SERAC1: variants seen among roughly 807,000 people sequenced by gnomAD.
SERAC1 encodes protein SERAC1.
A neutral mutation model predicts 85.7 loss-of-function variants in SERAC1; 36 were observed. That is an observed-to-expected ratio of 0.42 (90% CI 0.32 to 0.55). The LOEUF (loss-of-function observed/expected upper bound fraction) is 0.55, where lower values mean the gene tolerates loss of function less well. Ranked by LOEUF, SERAC1 falls within the 20% of genes least tolerant of loss-of-function variation. The pLI is 0.11. For synonymous variants in SERAC1, 242 were observed against 265.3 expected, an observed-to-expected ratio of 0.91 and a Z score of 0.85; for missense variants, 629 against 796.2, an observed-to-expected ratio of 0.79 and a Z score of 2.53.
rs899867134 is a variant in SERAC1 at position 158,143,161 on chromosome 6, G to C, written c.633C>G (p.Leu211=). The C allele has an allele frequency of 6.2e-7, 1 of 1,613,644 alleles. No homozygotes were observed. Among genetic ancestry groups the C allele is most frequent in the Non-Finnish European group, 8.5e-7 (1 of 1,179,746 alleles). ...GAGGTAAGGAAGCCAGCAACTGTCTGAGCTCTTCTTCAGTGGAAGAATCCT... is the reference window on the plus strand; with the variant it reads ...GAGGTAAGGAAGCCAGCAACTGTCTCAGCTCTTCTTCAGTGGAAGAATCCT... ...LKEDSSTEEE[L]RQLLASLPQT... Residue 211 remains leucine, a synonymous_variant, in exon 8 of 17, where the codon CTC becomes CTG. Coordinates refer to ENST00000647468, the MANE Select transcript of SERAC1 (RefSeq NM_032861.4).
intron 1 of SERAC1, among the ~76,000 whole-genome samples, chr6:158,159,886 G>C (rs552807713): frequency 1.3e-4 from 20 of 152,256 alleles, no homozygotes; most frequent in Admixed American, 1.2e-3. Context: ...TCGGCCTCCC[G>C]AAGTGCTGGG....
rs1355466810 is a variant in SERAC1, at chr6:158,109,699, C to G, written c.*1667G>C. 6.6e-6 allele frequency: 1 copy of G among 152,136 alleles called. No homozygotes were observed. The highest frequency in any genetic ancestry group is 1.5e-5 in the Non-Finnish European group (1 of 68,042). 9.4% of individuals were successfully genotyped at this position (152,136 alleles called of 1,614,324 possible). ...ATCTATCCACACATAAATTTGTACA[C>G]AAATGATCATGGTAGCATTATTTAT... On this transcript the variant is annotated 3_prime_UTR_variant, in exon 17 of 17. Transcript: ENST00000647468.
At chr6:158,146,993 AAC>A in intron 5 of SERAC1, 80 bp from the exon 6 acceptor site, 8 of 1,434,764 alleles carry the variant, frequency 5.6e-6, no homozygotes, top group Non-Finnish European at 7.7e-6. Context: ...GTAATTTATA[AAC>A]ACTGAAATCT....
chr6:158,143,225 A>T (rs1310132542), intron 7 of SERAC1, 41 bp from the exon 8 acceptor site: 1 of 1,594,408 alleles, frequency 6.3e-7, no homozygotes, highest in Non-Finnish European at 8.5e-7. Flanking sequence ...AATACTCAAC[A>T]ACTGAGTACA....
intron 9 of SERAC1, 61 bp from the exon 10 acceptor site, chr6:158,128,331 C>T: frequency 1.9e-6 from 3 of 1,556,042 alleles, no homozygotes; most frequent in Non-Finnish European, 2.6e-6. Flanking sequence ...CGTGAGATGA[C>T]ACAGCCTGGT....
chr6:158,144,796 GTGA>G (rs1232841445), intron 6 of SERAC1, among the ~76,000 whole-genome samples: 1 of 152,178 alleles, frequency 6.6e-6, no homozygotes, highest in East Asian at 1.9e-4. Context: ...CTGCTCCGTG[GTGA>G]TGATATGGTG....
At chr6:158,163,296 T>C (rs80155944) in intron 1 of SERAC1, among the ~76,000 whole-genome samples, 18,987 of 152,280 alleles carry the variant, frequency 0.12, 1,315 homozygotes, top group Middle Eastern at 0.16. Flanking sequence ...TAAACTTTCC[T>C]TTACACGAGA....
Position 158,120,650 on chromosome 6 carries a change from T to C in SERAC1, c.1016-75A>G. 6.7e-7 allele frequency: 1 copy of C among 1,484,352 alleles called. No individual in the cohort carries two copies. Among genetic ancestry groups the C allele is most frequent in the Non-Finnish European group, 9.1e-7 (1 of 1,100,504 alleles). 91.9% of individuals were successfully genotyped at this position (1,484,352 alleles called of 1,614,324 possible). A position where few individuals can be genotyped will look rare whatever the true frequency, so the allele number is the denominator to read the frequency against. ...CCACAGAGAGAGTGAGGTTTCAAAC[T>C]GAATATGATGGGAGAAAGGCAAACC... is the stretch of plus-strand genomic sequence containing the variant. On this transcript the variant is annotated intron_variant, in intron 10 of 16. Transcript: ENST00000647468. This position sits in a 1 kb window ranked among gnomAD's most constrained non-coding sequence, Gnocchi z 4.4.
chr6:158,147,126 G>C lies in SERAC1; in HGVS notation c.356-213C>G, dbSNP rs540375455. 4.0e-5 allele frequency among the ~76,000 whole-genome samples: 6 copies of C among 151,234 alleles called. No individual in the cohort carries two copies. The South Asian group carries it at 1.3e-3, about 32-fold the overall frequency. ...ATACTGTGTGTGCTTTTTTTTGGAT[G>C]GGGGGGCAGGGGTCAGTTTTGTTTT... On this transcript the variant is annotated intron_variant, in intron 5 of 16. Transcript: ENST00000647468.
intron 10 of SERAC1, among the ~76,000 whole-genome samples, chr6:158,121,107 A>G (rs963312278): frequency 6.6e-6 from 1 of 152,180 alleles, no homozygotes; most frequent in Non-Finnish European, 1.5e-5. Flanking sequence ...AAATGCATGG[A>G]TAATACTATC....
At position 158,134,802 on chromosome 6, in the gene SERAC1, A is replaced by G. The variant is rs572284801; in HGVS notation, c.739-4316T>C. On this transcript the variant is annotated intron_variant, in intron 8 of 16. Coordinates refer to ENST00000647468, the MANE Select transcript of SERAC1 (RefSeq NM_032861.4). ...ACTGGCTGAAAGTTTGAAGAGCAAC[A>G]GGACAGTCTCCTAATCTCAAAGTAT... Among the ~76,000 whole-genome samples the G allele has an allele frequency of 4.6e-5, 7 of 152,302 alleles. No homozygotes were observed. In the South Asian group the frequency reaches 1.5e-3, roughly 32 times the overall value.
intron 1 of SERAC1, among the ~76,000 whole-genome samples, chr6:158,163,042 T>C (rs778261512): frequency 1.3e-5 from 2 of 152,172 alleles, no homozygotes; most frequent in African/African-American, 4.8e-5. Context: ...CATGTAAAGA[T>C]GCCTAGGTTA....
chr6:158,140,226 G>C (rs1041341645), intron 8 of SERAC1, among the ~76,000 whole-genome samples: 1 of 152,190 alleles, frequency 6.6e-6, no homozygotes, highest in Non-Finnish European at 1.5e-5. Flanking sequence ...GTTTCAGGAA[G>C]GGGGCTGGTG....
chr6:158,112,318 T>A (rs1341354532), intron 16 of SERAC1: 4 of 152,382 alleles, frequency 2.6e-5, no homozygotes, highest in Non-Finnish European at 5.9e-5. Context: ...GAGGCTGAAG[T>A]GGGAGGAACG....
At chr6:158,146,705 T>C (rs1484499033) in intron 6 of SERAC1, 77 bp downstream of exon 6, 1 of 1,576,796 alleles carries the variant, frequency 6.3e-7, no homozygotes, top group Non-Finnish European at 8.6e-7. Flanking sequence ...CCACCGCACC[T>C]GGCCACTCCC....
intron 1 of SERAC1, among the ~76,000 whole-genome samples, chr6:158,165,312 C>T (rs1304515376): frequency 3.9e-5 from 6 of 152,126 alleles, no homozygotes; most frequent in South Asian, 2.1e-4. Flanking sequence ...GCTGCCACCA[C>T]GCCCAGCTAT....
chr6:158,150,418 A>AT, intron 4 of SERAC1, 35 bp downstream of exon 4: 1 of 1,505,764 alleles, frequency 6.6e-7, no homozygotes, highest in Non-Finnish European at 9.1e-7. Context: ...ACTAGCTTCC[A>AT]TTTTTCACAG....
chr6:158,133,960 T>G (rs1328782325), intron 8 of SERAC1, among the ~76,000 whole-genome samples: 1 of 152,242 alleles, frequency 6.6e-6, no homozygotes, highest in Non-Finnish European at 1.5e-5. Flanking sequence ...TACCTGTGAT[T>G]CTAGCAGTAA....
intron 5 of SERAC1, 122 bp from the exon 6 acceptor site, chr6:158,147,035 G>T: frequency 1.1e-6 from 1 of 925,238 alleles, no homozygotes; most frequent in Non-Finnish European, 1.6e-6. Flanking sequence ...CATATATATA[G>T]GTATTGATAA....
Sources: gnomAD v4.1 joint callset for allele counts (sites outside exome capture counted in the v4.1 genomes callset) on GRCh38, gnomAD v4.1.1 for gene constraint, Gnocchi (gnomAD v3.1) non-coding constraint, MANE v1.5 for transcripts, NCBI Gene and HGNC (gene_info 2026-07-23, HGNC 2026-07-21) for gene names.